Variants in KIFAP3 observed in about 807,000 individuals in gnomAD.
KIFAP3 encodes the protein kinesin-associated protein 3.
A neutral mutation model predicts 106.5 loss-of-function variants in KIFAP3; 68 were observed. That is an observed-to-expected ratio of 0.64 (90% CI 0.53 to 0.78). KIFAP3 has a LOEUF of 0.78. Among genes scored for constraint, KIFAP3 ranks in the 30% least tolerant of loss-of-function variants. KIFAP3 has a pLI of 0.00. For missense variants in KIFAP3, 780 were observed against 941.8 expected, an observed-to-expected ratio of 0.83 and a Z score of 2.25; for synonymous variants, 320 against 311.5, an observed-to-expected ratio of 1.03 and a Z score of -0.29.
At chr1:169,941,747 A>G (rs866113719) in intron 19 of KIFAP3, among the ~76,000 whole-genome samples, 2 of 152,194 alleles carry the variant, frequency 1.3e-5, no homozygotes, top group South Asian at 4.1e-4. Flanking sequence ...TCCAGTTGCC[A>G]ACCACAAAAA....
chr1:170,071,997 C>T (rs1671727290), intron 1 of KIFAP3, among the ~76,000 whole-genome samples: 1 of 152,130 alleles, frequency 6.6e-6, no homozygotes, highest in South Asian at 2.1e-4. Context: ...GTCTGTATTA[C>T]TTGCTAGAGT....
At chr1:169,938,752 C>T (rs1413747682) in intron 19 of KIFAP3, among the ~76,000 whole-genome samples, 2 of 152,064 alleles carry the variant, frequency 1.3e-5, no homozygotes, top group Non-Finnish European at 1.5e-5. Flanking sequence ...GAAGCAGCTT[C>T]TTTGATAATT....
At chr1:169,962,522 C>T (rs181005602) in intron 17 of KIFAP3, among the ~76,000 whole-genome samples, 1 of 152,232 alleles carries the variant, frequency 6.6e-6, no homozygotes, top group Non-Finnish European at 1.5e-5. Context: ...TATCTTTAAA[C>T]ACATTTGGTT....
intron 1 of KIFAP3, 53 bp downstream of exon 1, chr1:170,074,383 C>T: frequency 6.2e-7 from 1 of 1,601,718 alleles, no homozygotes. Flanking sequence ...AACCCAAGAA[C>T]ATCTTCAGGG....
intron 3 of KIFAP3, among the ~76,000 whole-genome samples, chr1:170,041,405 G>A (rs1669971926): frequency 6.6e-6 from 1 of 152,308 alleles, no homozygotes; most frequent in East Asian, 1.9e-4. Flanking sequence ...ACTTTGGGAG[G>A]CCAAGGCAGG....
chr1:170,029,169 C>T (rs1456088726), intron 8 of KIFAP3, among the ~76,000 whole-genome samples: 1 of 152,084 alleles, frequency 6.6e-6, no homozygotes, highest in Non-Finnish European at 1.5e-5. Flanking sequence ...ATAACAAGGA[C>T]AATTCATCAA....
At chr1:170,072,202 T>A (rs142562341) in intron 1 of KIFAP3, among the ~76,000 whole-genome samples, 4,418 of 152,282 alleles carry the variant, frequency 0.029, 85 homozygotes, top group Non-Finnish European at 0.044. Flanking sequence ...AGCGCTTAAG[T>A]CCCATATGAT....
chr1:170,015,861 C>A (rs1012424390), intron 10 of KIFAP3, among the ~76,000 whole-genome samples: 2 of 152,156 alleles, frequency 1.3e-5, no homozygotes, highest in Non-Finnish European at 2.9e-5. Context: ...AGACAGGTAT[C>A]TTGCTGGCAG....
intron 19 of KIFAP3, among the ~76,000 whole-genome samples, chr1:169,928,992 T>C (rs947721644): frequency 6.6e-6 from 1 of 152,130 alleles, no homozygotes; most frequent in African/African-American, 2.4e-5. Flanking sequence ...TAAGAAGAGA[T>C]GTGCAGGTTG....
chr1:170,062,511 C>G (rs943419605), intron 1 of KIFAP3, among the ~76,000 whole-genome samples: 6 of 152,152 alleles, frequency 3.9e-5, no homozygotes, highest in African/African-American at 1.2e-4. Context: ...TCCTACCTTA[C>G]CAAAAAAGCT....
intron 12 of KIFAP3, 25 bp downstream of exon 12, chr1:169,984,557 G>C (rs1468228003): frequency 8.4e-7 from 1 of 1,194,466 alleles, no homozygotes; most frequent in African/African-American, 1.5e-5. Context: ...TGCTAAAAAA[G>C]TTACCTACAC....
chr1:170,049,819 CA>C (rs1553203433), intron 2 of KIFAP3, among the ~76,000 whole-genome samples: 1 of 150,552 alleles, frequency 6.6e-6, no homozygotes, highest in Admixed American at 6.6e-5. Context: ...CACCCCCCCC[CA>C]AAAAAAACCC....
chr1:169,949,101 T>A (rs1664599999), intron 19 of KIFAP3, among the ~76,000 whole-genome samples: 2 of 151,982 alleles, frequency 1.3e-5, no homozygotes, highest in East Asian at 3.9e-4. Context: ...CTCCTCAGTA[T>A]GATTTTTAAA....
rs909217165 is a variant in KIFAP3, at chr1:170,049,549, T to C, written c.165-2683A>G. 3.9e-5 allele frequency among the ~76,000 whole-genome samples: 6 copies of C among 152,252 alleles called. No homozygotes were observed. The East Asian group carries it at 9.7e-4, about 25-fold the overall frequency. On this transcript the variant is annotated intron_variant, in intron 2 of 19. Transcript: ENST00000361580. ...CCATGCCTCCTGACTGGGAGAGACC[T>C]CCCAACAGGGGTTGATAGACACCTC...
intron 18 of KIFAP3, among the ~76,000 whole-genome samples, chr1:169,954,412 GA>G (rs1358760303): frequency 6.6e-6 from 1 of 152,034 alleles, no homozygotes; most frequent in Non-Finnish European, 1.5e-5. Flanking sequence ...GGAGAAGAAA[GA>G]AAAAGATAAG....
chr1:169,952,262 T>C (rs1163186410), intron 19 of KIFAP3, among the ~76,000 whole-genome samples: 1 of 152,066 alleles, frequency 6.6e-6, no homozygotes, highest in East Asian at 1.9e-4. Context: ...AATACTCCTA[T>C]GATTTTCCAC....
In KIFAP3 at chr1:170,055,391, T is replaced by C; in HGVS notation, c.78A>G (p.Ala26=). 1 of 1,609,290 alleles carries C rather than the reference T, an allele frequency of 6.2e-7. No individual in the cohort carries two copies. Among genetic ancestry groups the C allele is most frequent in the Non-Finnish European group, 8.5e-7 (1 of 1,177,088 alleles). Residue 26 remains alanine (A), a synonymous_variant, in exon 2 of 20, where the codon GCA becomes GCG. Coordinates refer to ENST00000361580, the MANE Select transcript of KIFAP3 (RefSeq NM_014970.4). ...CTTCCACTTCATAGTGAACAATGAG[T>C]GCTTTTTCTGATGGATGTACATCTA... The part of the protein sequence containing the change: ...GNIDVHPSEK[A]LIVHYEVEAT...
At chr1:169,939,276 C>T (rs1454253400) in intron 19 of KIFAP3, among the ~76,000 whole-genome samples, 2 of 151,876 alleles carry the variant, frequency 1.3e-5, no homozygotes, top group Non-Finnish European at 1.5e-5. Context: ...GAAATGAAAA[C>T]AACAGGGCAT....
chr1:169,977,422 TACA>T (rs1666278027), intron 16 of KIFAP3, among the ~76,000 whole-genome samples: 1 of 152,186 alleles, frequency 6.6e-6, no homozygotes. Flanking sequence ...CATTAGTACT[TACA>T]ACAATTCTAC....
Sources: allele counts gnomAD v4.1 joint callset (sites outside exome capture counted in the v4.1 genomes callset), GRCh38; gene constraint gnomAD v4.1.1; transcripts MANE v1.5; gene names NCBI Gene and HGNC (gene_info 2026-07-23, HGNC 2026-07-21).